Variants in EZH1 observed in about 807,000 individuals in gnomAD.
EZH1 encodes enhancer of zeste 1 polycomb repressive complex 2 subunit, also known as histone-lysine N-methyltransferase EZH1.
A neutral mutation model predicts 100.5 loss-of-function variants in EZH1; 33 were observed. That is an observed-to-expected ratio of 0.33 (90% CI 0.25 to 0.44). The LOEUF is 0.44. Ranked by LOEUF, EZH1 falls within the 20% of genes least tolerant of loss-of-function variation. The pLI, the probability that EZH1 is intolerant of heterozygous loss-of-function variation, is 1.00. For synonymous variants in EZH1, 272 were observed against 313.8 expected (o/e 0.87, Z 1.41); for missense variants, 475 against 928.4 (o/e 0.51, Z 6.35).
At chr17:42,724,202 T>A in intron 5 of EZH1, 103 bp downstream of exon 5, 1 of 1,351,878 alleles carries the variant, frequency 7.4e-7, no homozygotes, top group Non-Finnish European at 1.0e-6. Context: ...ATGTCCTAGC[T>A]GTGTTAATTA....
At position 42,709,955 on chromosome 17, in the gene EZH1, C is replaced by T. The variant is rs371229851; in HGVS notation, c.1402-18G>A. On this transcript the variant is annotated intron_variant, in intron 12 of 20. Coordinates refer to ENST00000428826, the MANE Select transcript of EZH1 (RefSeq NM_001991.5). The stretch of plus-strand genomic sequence containing the variant: ...TGAAAGACCTGGAAGAGAAATCCAA[C>T]GGGCCTGTCACTCCTCGAGCAAGGG... The T allele has an allele frequency of 4.6e-5, 74 of 1,612,652 alleles. No individual in the cohort carries two copies. The highest frequency in any genetic ancestry group is 2.2e-4 in the East Asian group (10 of 44,890).
intron 4 of EZH1, among the ~76,000 whole-genome samples, chr17:42,727,050 A>G (rs1218423981): frequency 6.6e-6 from 1 of 151,580 alleles, no homozygotes; most frequent in East Asian, 1.9e-4. Flanking sequence ...GTGTTTCGCT[A>G]TGTTGGCCAG....
chr17:42,732,477 C>T (rs2053969728), intron 1 of EZH1, among the ~76,000 whole-genome samples: 1 of 151,704 alleles, frequency 6.6e-6, no homozygotes, highest in African/African-American at 2.4e-5. Context: ...TATTAAAAAT[C>T]AAAAACATCG....
At chr17:42,728,741 CAAA>C (rs368020600) in intron 3 of EZH1, 81 bp downstream of exon 3, 323 of 1,107,482 alleles carry the variant, frequency 2.9e-4, no homozygotes, top group Admixed American at 4.3e-4. Flanking sequence ...GACTCTGTCT[CAAA>C]AAAAAAAAAA....
chr17:42,723,578 T>C (rs2053760540), intron 5 of EZH1, among the ~76,000 whole-genome samples: 1 of 152,096 alleles, frequency 6.6e-6, no homozygotes, highest in African/African-American at 2.4e-5. Flanking sequence ...GAACCTAAAG[T>C]CAACTGCAGC....
intron 19 of EZH1, 121 bp downstream of exon 19, chr17:42,703,619 T>G (rs2053289520): frequency 1.4e-6 from 1 of 708,770 alleles, no homozygotes; most frequent in South Asian, 1.7e-5. Context: ...ATACCAGATA[T>G]TAATCATGAT....
intron 4 of EZH1, among the ~76,000 whole-genome samples, chr17:42,726,859 AT>A (rs945239140): frequency 2.7e-5 from 4 of 150,758 alleles, no homozygotes; most frequent in Admixed American, 6.6e-5. Flanking sequence ...ATTATTTATT[AT>A]TTTTTTTGAG....
intron 5 of EZH1, 129 bp from the exon 6 acceptor site, chr17:42,723,044 C>A: frequency 1.5e-6 from 2 of 1,360,470 alleles, no homozygotes; most frequent in Non-Finnish European, 9.8e-7. Context: ...CCCAGAGTTT[C>A]CTGCATTTTA....
intron 1 of EZH1, among the ~76,000 whole-genome samples, chr17:42,736,655 T>C (rs1000968802): frequency 6.6e-6 from 1 of 151,998 alleles, no homozygotes; most frequent in African/African-American, 2.4e-5. Context: ...GCCAACATGG[T>C]GAAACCTCAT....
chr17:42,713,698 T>G (rs1356979317), intron 10 of EZH1, among the ~76,000 whole-genome samples: 1 of 152,198 alleles, frequency 6.6e-6, no homozygotes, highest in Admixed American at 6.5e-5. Flanking sequence ...TGGGCTCAAG[T>G]GATTCCCTTG....
chr17:42,714,943 A>T (rs1252082013), intron 10 of EZH1, among the ~76,000 whole-genome samples: 1 of 139,084 alleles, frequency 7.2e-6, no homozygotes, highest in African/African-American at 2.6e-5. Context: ...TATAAAATAT[A>T]TATTTATATA....
Position 42,712,299 on chromosome 17 carries a change from G to A in EZH1, c.1391C>T (p.Thr464Met). 6 of 1,613,750 alleles carry A rather than the reference G, an allele frequency of 3.7e-6. No individual in the cohort carries two copies. Among genetic ancestry groups the A allele is most frequent in the Non-Finnish European group, 5.1e-6 (6 of 1,180,000 alleles). The change falls in exon 12 of 21, where the codon ACG (threonine) becomes ATG (methionine). Residue 464 changes from threonine (T) to methionine (M), a missense_variant. Transcript: ENST00000428826. Reference sequence around the variant, plus strand: ...GCTTCCAGATGGTACCTGCTTGCACGTCTTGGTCCCCAGAAGCCTGGCTAT... The same window carrying A: ...GCTTCCAGATGGTACCTGCTTGCACATCTTGGTCCCCAGAAGCCTGGCTAT... ...CSIARLLGTK[T>M]CKQVFQFAVK... is the part of the protein sequence containing the mutation.
At chr17:42,739,608 T>C (rs1053293893) in intron 1 of EZH1, among the ~76,000 whole-genome samples, 28 of 151,762 alleles carry the variant, frequency 1.8e-4, no homozygotes, top group Non-Finnish European at 3.8e-4. Flanking sequence ...ATGCCTGTAA[T>C]CCCAGCTACT....
intron 12 of EZH1, 102 bp downstream of exon 12, chr17:42,712,187 T>C: frequency 7.7e-7 from 1 of 1,291,864 alleles, no homozygotes; most frequent in Non-Finnish European, 1.1e-6. Context: ...TAAGACAACT[T>C]CTCTCCAGAC....
At chr17:42,728,801 T>C (rs1266676930) in intron 3 of EZH1, 24 bp downstream of exon 3, 1 of 1,608,684 alleles carries the variant, frequency 6.2e-7, no homozygotes, top group Non-Finnish European at 8.5e-7. Flanking sequence ...ATATATAAAC[T>C]TTCACTTGGG....
chr17:42,740,625 C>T (rs2054159162), intron 1 of EZH1, among the ~76,000 whole-genome samples: 1 of 152,178 alleles, frequency 6.6e-6, no homozygotes, highest in Non-Finnish European at 1.5e-5. Flanking sequence ...GTTGAGATTA[C>T]AGACATGAGC....
intron 19 of EZH1, chr17:42,703,479 A>G (rs1402580899): frequency 2.2e-6 from 1 of 446,690 alleles, no homozygotes; most frequent in Non-Finnish European, 4.0e-6. Context: ...CACCCAGCCT[A>G]TTATTATTTT....
intron 2 of EZH1, 86 bp downstream of exon 2, chr17:42,730,742 C>A (rs373243853): frequency 2.2e-6 from 1 of 455,108 alleles, no homozygotes; most frequent in East Asian, 1.6e-4. Context: ...GTGATCCGCC[C>A]GCCTTGGCCT....
intron 1 of EZH1, among the ~76,000 whole-genome samples, chr17:42,740,470 T>G (rs549578241): frequency 6.6e-6 from 1 of 152,162 alleles, no homozygotes; most frequent in South Asian, 2.1e-4. Context: ...TCTCTTGACC[T>G]TGTGATCCAC....
Sources: gnomAD v4.1 joint callset for allele counts (sites outside exome capture counted in the v4.1 genomes callset) on GRCh38, gnomAD v4.1.1 for gene constraint, MANE v1.5 for transcripts, NCBI Gene and HGNC (gene_info 2026-07-23, HGNC 2026-07-21) for gene names.